Variants in CREB3L4 observed in about 807,000 individuals in gnomAD.
CREB3L4 encodes cyclic AMP-responsive element-binding protein 3-like protein 4.
Under a neutral mutation model 37.0 loss-of-function variants are expected in CREB3L4, and 28 were observed. The ratio of observed to expected loss-of-function variants is 0.76; its 90% CI spans 0.56 to 1.04. The LOEUF is 1.04. Among genes scored for constraint, CREB3L4 ranks in the 50% least tolerant of loss-of-function variants. CREB3L4 has a pLI of 0.00. For missense variants in CREB3L4, 462 were observed against 486.0 expected (o/e 0.95, Z 0.46); for synonymous variants, 175 against 192.2 (o/e 0.91, Z 0.74).
At chr1:153,969,485 C>T (rs1267292373) in intron 4 of CREB3L4, 30 bp downstream of exon 4, 2 of 1,610,862 alleles carry the variant, frequency 1.2e-6, no homozygotes, top group Non-Finnish European at 8.5e-7. Flanking sequence ...AGAACCACTA[C>T]TCCTTGATAC....
In CREB3L4 at chr1:153,970,986, G is replaced by A. The variant is rs1331669544; in HGVS notation, c.543+1531G>A. ...TCTTGATCTCTTGACCTTGTGATCCGCCCGCCTCAGCCTCCCAAAGTGCTG... is the reference window on the plus strand; with the variant it reads ...TCTTGATCTCTTGACCTTGTGATCCACCCGCCTCAGCCTCCCAAAGTGCTG... On this transcript the variant is annotated intron_variant, in intron 4 of 9. Transcript: ENST00000368607. 6.1e-5 allele frequency among the ~76,000 whole-genome samples: 9 copies of A among 147,324 alleles called. No homozygotes were observed. The South Asian group carries it at 6.4e-4, about 10-fold the overall frequency.
intron 4 of CREB3L4, among the ~76,000 whole-genome samples, chr1:153,971,518 C>A (rs1291014904): frequency 6.6e-6 from 1 of 151,224 alleles, no homozygotes; most frequent in African/African-American, 2.4e-5. Context: ...ATCCTCCTGT[C>A]TTGACCTCCC....
At position 153,973,977 on chromosome 1, in the gene CREB3L4, G is replaced by A. The variant is rs763791264; in HGVS notation, c.1100G>A (p.Gly367Asp). 1 of 1,614,090 alleles carries A rather than the reference G, an allele frequency of 6.2e-7. No homozygotes were observed. The highest frequency in any genetic ancestry group is 8.5e-7 in the Non-Finnish European group (1 of 1,180,044). The part of the protein sequence containing the change: ...REPPGAKDAN[G>D]STRTLLEKMG... ...CCACCTGGAGCCAAGGATGCAAATG[G>A]CTCAACAAGGACACTGCTTGAGAAG... The change falls in exon 10 of 10, where the codon GGC (glycine) becomes GAC (aspartate). Residue 367 changes from glycine (G) to aspartate (D), a missense_variant. Transcript: ENST00000368607.
chr1:153,973,468 C>G lies in CREB3L4; in HGVS notation c.897+4C>G. 1.2e-6 allele frequency: 2 copies of G among 1,612,980 alleles called. No individual in the cohort carries two copies. Among genetic ancestry groups the G allele is most frequent in the Non-Finnish European group, 1.7e-6 (2 of 1,179,008 alleles). ...CCAGACCAGCACTTGTGTTTTGGTA[C>G]CATTAGTCTATCTACTCCCATCTCC... On this transcript the variant is annotated splice_donor_region_variant and intron_variant, in intron 8 of 9. Transcript: ENST00000368607.
chr1:153,969,064 C>T lies in CREB3L4; in HGVS notation c.309C>T (p.Ala103=), dbSNP rs762342236. Residue 103 remains alanine, a synonymous_variant, in exon 3 of 10, where the codon GCC becomes GCT. Transcript: ENST00000368607. ...CCTGCCATCCAGACAGTCCCCCTGCCCCCAGGGCAACCAGTTCTCCTATGC... is the reference window on the plus strand; with the variant it reads ...CCTGCCATCCAGACAGTCCCCCTGCTCCCAGGGCAACCAGTTCTCCTATGC... ...EDPCHPDSPP[A]PRATSSPMLY... 11 of 1,614,180 alleles carry T rather than the reference C, an allele frequency of 6.8e-6. No individual in the cohort carries two copies. The highest frequency in any genetic ancestry group is 8.5e-6 in the Non-Finnish European group (10 of 1,180,030).
Position 153,971,587 on chromosome 1 carries a change from CTTTTTT to C in CREB3L4, c.544-1143_544-1138del, listed in dbSNP as rs55930906. Reference sequence around the variant, plus strand: ...GCCACTCTGTTTTCTTTTTCTTTTTCTTTTTTTTTTTTTTTTTTTGTTGTTTGTTTT... The same window carrying C: ...GCCACTCTGTTTTCTTTTTCTTTTTCTTTTTTTTTTTTTGTTGTTTGTTTT... On this transcript the variant is annotated intron_variant, in intron 4 of 9. Coordinates refer to ENST00000368607, the MANE Select transcript of CREB3L4 (RefSeq NM_001255978.2). 2.0e-4 allele frequency among the ~76,000 whole-genome samples: 22 copies of C among 107,522 alleles called. No individual in the cohort carries two copies. In the East Asian group the frequency reaches 3.2e-3, roughly 16 times the overall value. 70.5% of individuals were successfully genotyped at this position (107,522 alleles called of 152,430 possible).
chr1:153,968,248 G>A (rs1441305109), intron 1 of CREB3L4, 84 bp downstream of exon 1: 1 of 311,242 alleles, frequency 3.2e-6, no homozygotes, highest in South Asian at 6.6e-5. Flanking sequence ...GAAAGAAAAG[G>A]TGTAGTGTTT....
chr1:153,970,474 C>T (rs1557883826), intron 4 of CREB3L4, among the ~76,000 whole-genome samples: 1 of 152,168 alleles, frequency 6.6e-6, no homozygotes, highest in Non-Finnish European at 1.5e-5. Flanking sequence ...AAAGCAATAG[C>T]AGCAATGTTT....
Position 153,973,015 on chromosome 1 carries a change from ACAAG to A in CREB3L4, c.683_686del (p.Lys228SerfsTer46). The A allele has an allele frequency of 6.2e-7, 1 of 1,614,168 alleles. No individual in the cohort carries two copies. Among genetic ancestry groups the A allele is most frequent in the Non-Finnish European group, 8.5e-7 (1 of 1,180,030 alleles). On this transcript the variant is annotated frameshift_variant, in exon 6 of 10. Coordinates refer to ENST00000368607, the MANE Select transcript of CREB3L4 (RefSeq NM_001255978.2). LOFTEE classifies it high-confidence loss of function. ...AAGAAGGTCAGGAGGAAAATCCGTA[ACAAG>A]CAGTCAGCTCAGGACAGTCGGCGGC...
At chr1:153,968,820 T>C in intron 2 of CREB3L4, 110 bp from the exon 3 acceptor site, 1 of 1,525,398 alleles carries the variant, frequency 6.6e-7, no homozygotes, top group Non-Finnish European at 8.9e-7. Context: ...GTAAGTTGTA[T>C]AATAACTGTC....
chr1:153,969,926 ATTTT>A (rs982207975), intron 4 of CREB3L4, among the ~76,000 whole-genome samples: 1 of 117,880 alleles, frequency 8.5e-6, no homozygotes. Flanking sequence ...AACATGAACA[ATTTT>A]TTTTTTTTTT....
At position 153,968,577 on chromosome 1, in the gene CREB3L4, G is replaced by T. The variant is rs771309586; in HGVS notation, c.52G>T (p.Asp18Tyr). ...GGACGCGTGGCTGGAGCCCCCAGAG[G>T]ATATCTTCTCGACAGGATCCGTCCT... Reference protein sequence around the residue: ...LLDAWLEPPEDIFSTGSVLEL... With the variant: ...LLDAWLEPPEYIFSTGSVLEL... The change falls in exon 2 of 10, where the codon GAT (aspartate) becomes TAT (tyrosine). Residue 18 changes from aspartate to tyrosine, a missense_variant. Physicochemically the swap from Asp to Tyr is radical, Grantham distance 160. Coordinates refer to ENST00000368607, the MANE Select transcript of CREB3L4 (RefSeq NM_001255978.2). The T allele has an allele frequency of 1.7e-5, 28 of 1,614,126 alleles. No individual in the cohort carries two copies. The South Asian group carries it at 2.5e-4, about 15-fold the overall frequency.
Position 153,974,087 on chromosome 1 carries a change from C to T in CREB3L4, c.*22C>T. The T allele has an allele frequency of 6.2e-7, 1 of 1,602,808 alleles. No individual in the cohort carries two copies. Among genetic ancestry groups the T allele is most frequent in the Middle Eastern group, 2.1e-4 (1 of 4,840 alleles). On this transcript the variant is annotated 3_prime_UTR_variant, in exon 10 of 10. Coordinates refer to ENST00000368607, the MANE Select transcript of CREB3L4 (RefSeq NM_001255978.2). ...GTGAGCTGGAACAGACCTTCCTGGCCCACTTCCTGATCACAAGGAATCCTG... is the reference window on the plus strand; with the variant it reads ...GTGAGCTGGAACAGACCTTCCTGGCTCACTTCCTGATCACAAGGAATCCTG...
intron 4 of CREB3L4, among the ~76,000 whole-genome samples, chr1:153,971,667 T>C (rs1250808335): frequency 2.0e-5 from 3 of 150,466 alleles, no homozygotes; most frequent in Non-Finnish European, 3.0e-5. Flanking sequence ...TTAGGTGGAC[T>C]GGAAGAGACA....
chr1:153,968,871 G>A, intron 2 of CREB3L4, 59 bp from the exon 3 acceptor site: 1 of 1,549,276 alleles, frequency 6.5e-7, no homozygotes, highest in East Asian at 2.3e-5. Flanking sequence ...TGAAGCATAA[G>A]TCAGGGAGGA....
Position 153,973,614 on chromosome 1 carries a change from TC to T in CREB3L4, c.898-3del, listed in dbSNP as rs762519164. 1.9e-6 allele frequency: 3 copies of T among 1,610,742 alleles called. No homozygotes were observed. Among genetic ancestry groups the T allele is most frequent in the Middle Eastern group, 1.7e-4 (1 of 6,056 alleles). The stretch of plus-strand genomic sequence containing the variant: ...CCCTTCATCTGTTCCTCTTGCTTCC[TC>T]CCAGATTCTTCTTTTTTCCCTGGCT... On this transcript the variant is annotated splice_region_variant and splice_polypyrimidine_tract_variant and intron_variant, in intron 8 of 9. Transcript: ENST00000368607.
chr1:153,968,639 G>A lies in CREB3L4; in HGVS notation c.114G>A (p.Pro38=), dbSNP rs754576260. ...LGLHCPPPEV[P]VTRLQEQGLQ... ...TCCACTGCCCCCCTCCAGAGGTTCCGGTAACTAGGCTACAGGAACAGGGAC... is the reference window on the plus strand; with the variant it reads ...TCCACTGCCCCCCTCCAGAGGTTCCAGTAACTAGGCTACAGGAACAGGGAC... The change falls in exon 2 of 10, where the codon CCG becomes CCA. Residue 38 remains proline (P), a synonymous_variant. Transcript: ENST00000368607. 15 of 1,613,970 alleles carry A rather than the reference G, an allele frequency of 9.3e-6. No individual in the cohort carries two copies. The highest frequency in any genetic ancestry group is 1.1e-5 in the Non-Finnish European group (13 of 1,179,986).
Position 153,973,612 on chromosome 1 carries a change from C to T in CREB3L4, c.898-8C>T, listed in dbSNP as rs1327873417. The T allele has an allele frequency of 6.2e-7, 1 of 1,610,086 alleles. No individual in the cohort carries two copies. Among genetic ancestry groups the T allele is most frequent in the South Asian group, 1.1e-5 (1 of 90,570 alleles). ...CTCCCTTCATCTGTTCCTCTTGCTT[C>T]CTCCCAGATTCTTCTTTTTTCCCTG... is the stretch of plus-strand genomic sequence containing the variant. On this transcript the variant is annotated splice_polypyrimidine_tract_variant and splice_region_variant and intron_variant, in intron 8 of 9. Transcript: ENST00000368607.
At chr1:153,970,173 T>C (rs1410294603) in intron 4 of CREB3L4, among the ~76,000 whole-genome samples, 2 of 152,006 alleles carry the variant, frequency 1.3e-5, no homozygotes, top group African/African-American at 2.4e-5. Flanking sequence ...GTGATCCGCC[T>C]GCCTCTGCCT....
Sources: gnomAD v4.1 joint callset for allele counts (sites outside exome capture counted in the v4.1 genomes callset) on GRCh38, gnomAD v4.1.1 for gene constraint, MANE v1.5 for transcripts, NCBI Gene and HGNC (gene_info 2026-07-23, HGNC 2026-07-21) for gene names.